Variants in APBA1 observed in about 807,000 individuals in gnomAD.
APBA1 encodes amyloid-beta A4 precursor protein-binding family A member 1.
A neutral mutation model predicts 86.6 loss-of-function variants in APBA1; 55 were observed. The ratio of observed to expected loss-of-function variants is 0.64; its 90% CI spans 0.51 to 0.80. APBA1 has a LOEUF of 0.80. Among genes scored for constraint, APBA1 ranks in the 30% least tolerant of loss-of-function variants. The pLI is 0.00. For missense variants in APBA1, 1,090 were observed against 1,183.0 expected, an observed-to-expected ratio of 0.92 and a Z score of 1.15; for synonymous variants, 511 against 493.9, an observed-to-expected ratio of 1.03 and a Z score of -0.46.
chr9:69,640,732 A>G (rs1326537113), intron 1 of APBA1, among the ~76,000 whole-genome samples: 1 of 152,158 alleles, frequency 6.6e-6, no homozygotes, highest in Non-Finnish European at 1.5e-5. Flanking sequence ...CACAAAACTC[A>G]ACTCCCATTC....
chr9:69,593,398 A>G (rs925034281), intron 1 of APBA1, among the ~76,000 whole-genome samples: 1 of 152,220 alleles, frequency 6.6e-6, no homozygotes, highest in Non-Finnish European at 1.5e-5. Flanking sequence ...GCAATGTGTC[A>G]TATTTCACTT....
chr9:69,442,999 C>T (rs999619958), intron 10 of APBA1, among the ~76,000 whole-genome samples: 1 of 152,178 alleles, frequency 6.6e-6, no homozygotes, highest in Non-Finnish European at 1.5e-5. Flanking sequence ...GCAGAAATGA[C>T]CTATACCCCT....
intron 1 of APBA1, among the ~76,000 whole-genome samples, chr9:69,658,312 T>TTCTTTCTTTC (rs1823674568): frequency 1.3e-5 from 1 of 75,580 alleles, no homozygotes; most frequent in Non-Finnish European, 2.7e-5. Flanking sequence ...CTCTCTTTCT[T>TTCTTTCTTTC]TCTTTCTTTC....
At position 69,435,302 on chromosome 9, in the gene APBA1, G is replaced by A. The variant is rs1834688464; in HGVS notation, c.2302-2626C>T. Among the ~76,000 whole-genome samples, 4 of 152,210 alleles carry A rather than the reference G, an allele frequency of 2.6e-5. No homozygotes were observed. The South Asian group carries it at 8.3e-4, about 32-fold the overall frequency. ...CAGCATGATTTATAGTCCTTTGGGT[G>A]TATACCCAGTAATGGGATGGCTGGG... On this transcript the variant is annotated intron_variant, in intron 11 of 12. Transcript: ENST00000265381.
In APBA1 at chr9:69,506,072, C is replaced by T. The variant is rs570654996; in HGVS notation, c.1200+9939G>A. On this transcript the variant is annotated intron_variant, in intron 2 of 12. Transcript: ENST00000265381. ...GAAAAGGAGGAGGAGCCAAGATGGC[C>T]GAATAGGAACAGCTCCGGTCTACAG... 6.5e-4 allele frequency among the ~76,000 whole-genome samples: 98 copies of T among 151,650 alleles called. No individual in the cohort carries two copies. In the South Asian group the frequency reaches 0.018, roughly 28 times the overall value.
chr9:69,490,760 A>G (rs1272687676), intron 2 of APBA1, among the ~76,000 whole-genome samples: 1 of 152,144 alleles, frequency 6.6e-6, no homozygotes, highest in African/African-American at 2.4e-5. Context: ...ATTTACAAGA[A>G]AAAAGCAAAC....
intron 11 of APBA1, among the ~76,000 whole-genome samples, chr9:69,439,767 C>T (rs9722286): frequency 0.056 from 8,535 of 152,242 alleles, 813 homozygotes; most frequent in African/African-American, 0.19. Context: ...TCTTCTGAAG[C>T]CTTCTTCTCT....
At chr9:69,657,465 C>G (rs1823635320) in intron 1 of APBA1, among the ~76,000 whole-genome samples, 1 of 152,212 alleles carries the variant, frequency 6.6e-6, no homozygotes, top group Non-Finnish European at 1.5e-5. Context: ...AGTTTATTGA[C>G]CTGTGTCTAG....
rs1043452014 is a variant in APBA1 at position 69,591,609 on chromosome 9, C to T, written c.-69-74330G>A. 4.6e-5 allele frequency among the ~76,000 whole-genome samples: 7 copies of T among 152,178 alleles called. No individual in the cohort carries two copies. The East Asian group carries it at 1.4e-3, about 29-fold the overall frequency. On this transcript the variant is annotated intron_variant, in intron 1 of 12. Coordinates refer to ENST00000265381, the MANE Select transcript of APBA1 (RefSeq NM_001163.4). The stretch of plus-strand genomic sequence containing the variant: ...GAATCCTTCCTTCCTGGAGATGGCA[C>T]TTCTCGGCCCAGAGGAGGCACCAAG...
rs78022480 is a variant in APBA1, at chr9:69,497,075, A to C, written c.1200+18936T>G. 8.7e-4 allele frequency among the ~76,000 whole-genome samples: 132 copies of C among 152,226 alleles called. 2 individuals carry two copies. The East Asian group carries it at 0.025, about 29-fold the overall frequency. On this transcript the variant is annotated intron_variant, in intron 2 of 12. Transcript: ENST00000265381. ...CATCTACCCAGTGTCTTATTGGTAC[A>C]AAAGAACTTAGAATTCTTTCTCTGG...
Position 69,452,540 on chromosome 9 carries a change from G to C in APBA1, c.1789-239C>G, listed in dbSNP as rs116131680. 6.0e-3 allele frequency among the ~76,000 whole-genome samples: 917 copies of C among 152,344 alleles called. 4 individuals are homozygous for C. Among genetic ancestry groups the C allele is most frequent in the African/African-American group, 0.021 (872 of 41,582 alleles). ...ATAAGGGAGCTACCGGCATTCAGCAGACAGGAGTCAGAGATGCTGAATATC... is the reference window on the plus strand; with the variant it reads ...ATAAGGGAGCTACCGGCATTCAGCACACAGGAGTCAGAGATGCTGAATATC... On this transcript the variant is annotated intron_variant, in intron 8 of 12. Transcript: ENST00000265381.
chr9:69,649,934 G>T (rs1823465750), intron 1 of APBA1, among the ~76,000 whole-genome samples: 1 of 152,166 alleles, frequency 6.6e-6, no homozygotes, highest in Admixed American at 6.5e-5. Context: ...CTGATTAATG[G>T]AATATATTAA....
chr9:69,450,065 T>TTG (rs1834979652), intron 9 of APBA1, among the ~76,000 whole-genome samples: 3 of 149,294 alleles, frequency 2.0e-5, no homozygotes, highest in East Asian at 2.0e-4. Flanking sequence ...AGTTTTTTTT[T>TTG]TTTTTTTTTT....
chr9:69,603,522 A>G (rs1205817393), intron 1 of APBA1, among the ~76,000 whole-genome samples: 2 of 152,258 alleles, frequency 1.3e-5, no homozygotes, highest in African/African-American at 4.8e-5. Context: ...AACTTGCTAT[A>G]ATCCCTAAGA....
At chr9:69,582,283 C>T (rs912464666) in intron 1 of APBA1, among the ~76,000 whole-genome samples, 1 of 152,090 alleles carries the variant, frequency 6.6e-6, no homozygotes, top group Non-Finnish European at 1.5e-5. Context: ...GTGGGAGGCT[C>T]GCTCATAAGT....
At chr9:69,453,555 C>T (rs949242678) in intron 8 of APBA1, among the ~76,000 whole-genome samples, 1 of 152,232 alleles carries the variant, frequency 6.6e-6, no homozygotes, top group South Asian at 2.1e-4. Flanking sequence ...AAATGCTATA[C>T]AAGGACCATC....
chr9:69,512,275 G>C (rs982336959), intron 2 of APBA1, among the ~76,000 whole-genome samples: 10 of 152,108 alleles, frequency 6.6e-5, no homozygotes, highest in Non-Finnish European at 1.3e-4. Context: ...TCAGTGCTGA[G>C]AGAGTGTTCA....
In APBA1 at chr9:69,658,296, C is replaced by CTTTT. The variant is rs1419845095; in HGVS notation, c.-70+13856_-70+13857insAAAA. 8.4e-4 allele frequency among the ~76,000 whole-genome samples: 32 copies of CTTTT among 37,888 alleles called. 1 individual carries two copies. The highest frequency in any genetic ancestry group is 1.2e-3 in the Non-Finnish European group (22 of 18,362). 24.9% of individuals were successfully genotyped at this position (37,888 alleles called of 152,430 possible). On this transcript the variant is annotated intron_variant, in intron 1 of 12. Transcript: ENST00000265381. ...TCTTTCTTTCTTTCTCTCTCTCTTT[C>CTTTT]TCTCTCTCTCTTTCTTTCTTTCTTT...
intron 2 of APBA1, among the ~76,000 whole-genome samples, chr9:69,488,370 C>A: frequency 6.6e-6 from 1 of 151,948 alleles, no homozygotes; most frequent in East Asian, 1.9e-4. Context: ...CATATAAAAT[C>A]AGTACTACTT....
Sources: gnomAD v4.1 joint callset for allele counts (sites outside exome capture counted in the v4.1 genomes callset) on GRCh38, gnomAD v4.1.1 for gene constraint, MANE v1.5 for transcripts, NCBI Gene and HGNC (gene_info 2026-07-23, HGNC 2026-07-21) for gene names.